The following SMAD1 variants were observed in gnomAD, a reference collection of about 807,000 sequenced individuals.
The protein encoded by SMAD1 is MAD, mothers against decapentaplegic homolog 1.
In SMAD1, 6 loss-of-function variants were observed where a neutral mutation model predicts 41.6. The observed-to-expected ratio is 0.14, with a 90% CI of 0.08 to 0.28. The LOEUF is 0.28. Ranked by LOEUF, SMAD1 falls within the 10% of genes least tolerant of loss-of-function variation. The pLI is 1.00. For missense variants in SMAD1, 379 were observed against 582.6 expected, an observed-to-expected ratio of 0.65 and a Z score of 3.60; for synonymous variants, 206 against 203.2, an observed-to-expected ratio of 1.01 and a Z score of -0.12.
chr4:145,531,173 G>T (rs1389606523), intron 2 of SMAD1, among the ~76,000 whole-genome samples: 2 of 152,232 alleles, frequency 1.3e-5, no homozygotes, highest in African/African-American at 4.8e-5. Flanking sequence ...CTCTATTGAG[G>T]TTCCAAGAAT....
At chr4:145,506,710 A>G (rs1729810757) in intron 1 of SMAD1, among the ~76,000 whole-genome samples, 3 of 152,016 alleles carry the variant, frequency 2.0e-5, no homozygotes, top group African/African-American at 4.8e-5. Flanking sequence ...TTTCTGTGGG[A>G]ATTTGGGATC....
At chr4:145,543,785 G>T (rs191650658) in intron 4 of SMAD1, among the ~76,000 whole-genome samples, 1 of 152,136 alleles carries the variant, frequency 6.6e-6, no homozygotes, top group Admixed American at 6.5e-5. Context: ...AAATAAAACT[G>T]CTCCTAAATA....
chr4:145,534,492 G>T (rs1318140691), intron 2 of SMAD1, among the ~76,000 whole-genome samples: 2 of 152,224 alleles, frequency 1.3e-5, no homozygotes, highest in Non-Finnish European at 2.9e-5. Flanking sequence ...AGAACTGTGA[G>T]AGGGGCTGGC....
rs147602934 is a variant in SMAD1, at chr4:145,542,659, A to T, written c.736A>T (p.Met246Leu). The change falls in exon 4 of 7, where the codon ATG becomes TTG. Residue 246 changes from methionine to leucine, a missense_variant. This residue lies in a region of SMAD1 where 208 missense variants were observed against 210.5 expected (regional missense o/e 0.99). Transcript: ENST00000302085. The part of the protein sequence containing the change: ...QDGSQPMDTN[M>L]MAPPLPSEIN... ...TGGCTCTCAGCCGATGGACACAAAC[A>T]TGATGGCGCCTCCCCTGCCCTCAGA... 6 of 1,613,088 alleles carry T rather than the reference A, an allele frequency of 3.7e-6. No individual in the cohort carries two copies. The African/African-American group carries it at 5.3e-5, about 14-fold the overall frequency.
intron 2 of SMAD1, among the ~76,000 whole-genome samples, chr4:145,522,533 A>T (rs542508132): frequency 7.0e-4 from 107 of 152,094 alleles, no homozygotes; most frequent in Non-Finnish European, 1.2e-3. Context: ...TGGGAGGTGG[A>T]GGTTGTGGTG....
chr4:145,539,658 C>T, intron 2 of SMAD1, 146 bp from the exon 3 acceptor site: 1 of 745,260 alleles, frequency 1.3e-6, no homozygotes, highest in Non-Finnish European at 2.1e-6. Context: ...AATAGCTTTT[C>T]ATTTGAATGA....
intron 2 of SMAD1, among the ~76,000 whole-genome samples, chr4:145,535,205 A>G (rs1237638430): frequency 6.6e-6 from 1 of 152,206 alleles, no homozygotes; most frequent in Admixed American, 6.5e-5. Context: ...GACAGACTCT[A>G]TTCTGGAAGG....
intron 3 of SMAD1, 37 bp downstream of exon 3, chr4:145,540,098 T>C (rs749130079): frequency 1.2e-6 from 2 of 1,611,390 alleles, no homozygotes; most frequent in South Asian, 2.2e-5. Context: ...TGTAGTCATA[T>C]CAGACAGTGT....
intron 1 of SMAD1, among the ~76,000 whole-genome samples, chr4:145,511,571 C>T (rs1364546221): frequency 6.6e-6 from 1 of 152,024 alleles, no homozygotes; most frequent in African/African-American, 2.4e-5. Context: ...TTTTTTAATT[C>T]CATATTTTTA....
At chr4:145,481,115 G>C (rs376577320), upstream of SMAD1, 2 of 152,144 alleles carry the variant, frequency 1.3e-5, no homozygotes, top group Non-Finnish European at 2.9e-5. Flanking sequence ...AAGTGCGGGG[G>C]AGTTGGCATC....
intron 5 of SMAD1, among the ~76,000 whole-genome samples, chr4:145,550,725 C>T (rs1019952386): frequency 2.2e-4 from 34 of 152,090 alleles, no homozygotes; most frequent in African/African-American, 7.7e-4. Flanking sequence ...AAGTCAGTTT[C>T]CTTTAATCTG....
chr4:145,484,804 A>G (rs1728388415), intron 1 of SMAD1: 1 of 152,194 alleles, frequency 6.6e-6, no homozygotes. Context: ...ACCTTATAAA[A>G]TATCAGTGGA....
intron 6 of SMAD1, among the ~76,000 whole-genome samples, chr4:145,554,325 TTA>T (rs1351928244): frequency 4.6e-5 from 7 of 152,294 alleles, no homozygotes; most frequent in African/African-American, 1.7e-4. Context: ...GTAGAATATG[TTA>T]TGTTATATAT....
chr4:145,520,058 T>C (rs1371680967), intron 2 of SMAD1, among the ~76,000 whole-genome samples: 1 of 152,202 alleles, frequency 6.6e-6, no homozygotes, highest in East Asian at 1.9e-4. Context: ...AAGATATACC[T>C]TTCACCTGTT....
intron 3 of SMAD1, among the ~76,000 whole-genome samples, chr4:145,542,052 G>A (rs770571715): frequency 1.3e-5 from 2 of 152,224 alleles, no homozygotes; most frequent in Non-Finnish European, 2.9e-5. Flanking sequence ...TAAATGAGTA[G>A]GGAGAGTGTG....
chr4:145,529,534 TG>T (rs1360320605), intron 2 of SMAD1, among the ~76,000 whole-genome samples: 2 of 152,350 alleles, frequency 1.3e-5, no homozygotes, highest in African/African-American at 4.8e-5. Context: ...TGGGCTATCT[TG>T]ATCCCAAGCC....
At chr4:145,549,024 A>G (rs576586504) in intron 5 of SMAD1, among the ~76,000 whole-genome samples, 97 of 152,268 alleles carry the variant, frequency 6.4e-4, no homozygotes, top group African/African-American at 2.3e-3. Context: ...CTGAGGAAAT[A>G]TCAGACAGAC....
At chr4:145,507,005 A>G (rs546759668) in intron 1 of SMAD1, among the ~76,000 whole-genome samples, 3 of 152,316 alleles carry the variant, frequency 2.0e-5, no homozygotes, top group South Asian at 4.1e-4. Flanking sequence ...CAGTTCTGAT[A>G]GAAATCCTTC....
Position 145,542,702 on chromosome 4 carries a change from A to G in SMAD1, c.775+4A>G. 1 of 1,576,696 alleles carries G rather than the reference A, an allele frequency of 6.3e-7. No individual in the cohort carries two copies. The highest frequency in any genetic ancestry group is 8.7e-7 in the Non-Finnish European group (1 of 1,148,876). Reference sequence around the variant, plus strand: ...CCCTCAGAAATCAACAGAGGAGGTAAAACTAATTGCTGCCTGTTCCCTTTT... The same window carrying G: ...CCCTCAGAAATCAACAGAGGAGGTAGAACTAATTGCTGCCTGTTCCCTTTT... On this transcript the variant is annotated splice_donor_region_variant and intron_variant, in intron 4 of 6. Coordinates refer to ENST00000302085, the MANE Select transcript of SMAD1 (RefSeq NM_005900.3).
Sources: gnomAD v4.1 joint callset for allele counts (sites outside exome capture counted in the v4.1 genomes callset) on GRCh38, gnomAD v4.1.1 for gene constraint, gnomAD v4.1.1 regional missense constraint, MANE v1.5 for transcripts, NCBI Gene and HGNC (gene_info 2026-07-23, HGNC 2026-07-21) for gene names.